ZNF718: variants seen among roughly 807,000 people sequenced by gnomAD.
ZNF718 encodes the protein zinc finger protein 718.
In ZNF718, 3 loss-of-function variants were observed where a neutral mutation model predicts 2.6. The observed-to-expected ratio is 1.16, with a 90% CI of 0.53 to 3.01. The LOEUF (loss-of-function observed/expected upper bound fraction) is 3.01, where lower values mean the gene tolerates loss of function less well. ZNF718 is among the 30% of genes most tolerant of loss of function. The pLI is 0.03. For missense variants in ZNF718, 468 were observed against 230.0 expected (o/e 2.03, Z -6.69); for synonymous variants, 135 against 77.9 (o/e 1.73, Z -3.86).
At chr4:134,183 G>A (rs1296661135) in intron 3 of ZNF718, among the ~76,000 whole-genome samples, 2 of 152,106 alleles carry the variant, frequency 1.3e-5, no homozygotes, top group African/African-American at 4.8e-5. Flanking sequence ...GAGTCTCGCT[G>A]TCACCCAGGC....
intron 3 of ZNF718, among the ~76,000 whole-genome samples, chr4:146,337 T>G (rs1716063387): frequency 6.6e-6 from 1 of 152,092 alleles, no homozygotes; most frequent in African/African-American, 2.4e-5. Flanking sequence ...TCTGTTCATT[T>G]GCACTTTAAA....
At chr4:200,457 CAG>C (rs1359840956) in intron 3 of ZNF718, among the ~76,000 whole-genome samples, 1 of 152,102 alleles carries the variant, frequency 6.6e-6, no homozygotes, top group Non-Finnish European at 1.5e-5. Context: ...TTAGTAGAGA[CAG>C]GGTTTCACCA....
At chr4:194,436 C>T (rs1484193865) in intron 3 of ZNF718, among the ~76,000 whole-genome samples, 1 of 152,174 alleles carries the variant, frequency 6.6e-6, no homozygotes, top group Non-Finnish European at 1.5e-5. Flanking sequence ...TGTTCTGATT[C>T]TGCATCCCAA....
Position 125,512 on chromosome 4 carries a change from C to G in ZNF718, c.3+839C>G, listed in dbSNP as rs367604853. On this transcript the variant is annotated intron_variant, in intron 1 of 3. Coordinates refer to ENST00000510175, the MANE Select transcript of ZNF718 (RefSeq NM_001039127.6). ...CACCCCGTTGGGGTTGGAGCATTGA[C>G]TGGTGTTGAGGAAACTCCGCAAGTT... Among the ~76,000 whole-genome samples the G allele has an allele frequency of 2.6e-4, 39 of 152,286 alleles. 1 individual carries two copies. In the East Asian group the frequency reaches 7.0e-3, roughly 27 times the overall value.
chr4:149,576 A>C (rs1197467231), intron 3 of ZNF718, among the ~76,000 whole-genome samples: 1 of 152,192 alleles, frequency 6.6e-6, no homozygotes, highest in African/African-American at 2.4e-5. Flanking sequence ...GTTTAATTCA[A>C]ATAAAAATAA....
chr4:161,446 C>T lies in ZNF718; in HGVS notation c.761C>T (p.Pro254Leu). Residue 254 changes from proline (P) to leucine (L), a missense_variant, in exon 4 of 4, where the codon CCC (proline) becomes CTC (leucine). Transcript: ENST00000510175. ...AAGAGAATTCATACTGGAGAGAAAC[C>T]CTACATATGTGAAAAATGTGGTAAA... The part of the protein sequence containing the change: ...KHKRIHTGEK[P>L]YICEKCGKAF... The T allele has an allele frequency of 1.3e-6, 1 of 780,126 alleles. No homozygotes were observed. 48.3% of individuals were successfully genotyped at this position (780,126 alleles called of 1,614,324 possible). A position where few individuals can be genotyped will look rare whatever the true frequency, so the allele number is the denominator to read the frequency against.
intron 3 of ZNF718, among the ~76,000 whole-genome samples, chr4:135,770 A>ATAT (rs1715544029): frequency 7.0e-6 from 1 of 142,016 alleles, no homozygotes; most frequent in Non-Finnish European, 1.5e-5. Flanking sequence ...TACAGACAGT[A>ATAT]ATGTTTTTAT....
chr4:124,919 C>T, intron 1 of ZNF718: 1 of 460,152 alleles, frequency 2.2e-6, no homozygotes. Flanking sequence ...TGAGTAGGAG[C>T]TCATCCGGAA....
chr4:144,076 A>G (rs1406967639), intron 3 of ZNF718, among the ~76,000 whole-genome samples: 1 of 151,718 alleles, frequency 6.6e-6, no homozygotes, highest in Non-Finnish European at 1.5e-5. Flanking sequence ...AATTTACTTC[A>G]CCCTCTCCAT....
Position 162,820 on chromosome 4 carries a change from T to C in ZNF718, c.*698T>C, listed in dbSNP as rs1216922648. 5 of 152,192 alleles carry C rather than the reference T, an allele frequency of 3.3e-5. No homozygotes were observed. The highest frequency in any genetic ancestry group is 9.6e-5 in the African/African-American group (4 of 41,460). The allele number at this position is 152,192 out of a possible 1,614,324, so 9.4% of individuals were successfully genotyped here. A position where few individuals can be genotyped will look rare whatever the true frequency, so the allele number is the denominator to read the frequency against. On this transcript the variant is annotated 3_prime_UTR_variant, in exon 4 of 4. Transcript: ENST00000510175. ...AAACCAGTTTATACTAGAAGATATT[T>C]TGTAGATGCGGTAAGTATGAAAAGA...
chr4:201,852 C>A, exon 5 of ZNF718: 1 of 191,998 alleles, frequency 5.2e-6, no homozygotes, highest in Admixed American at 5.2e-5. Flanking sequence ...TACAAAATAC[C>A]TGCTTTTAGT....
chr4:126,769 A>T lies in ZNF718; in HGVS notation c.3+2096A>T, dbSNP rs557984787. ...CATTTTGGTTTAATTATATAACAAAACATTTTCTTGCTGTTCTATTATGGT... is the reference window on the plus strand; with the variant it reads ...CATTTTGGTTTAATTATATAACAAATCATTTTCTTGCTGTTCTATTATGGT... On this transcript the variant is annotated intron_variant, in intron 1 of 3. Coordinates refer to ENST00000510175, the MANE Select transcript of ZNF718 (RefSeq NM_001039127.6). Among the ~76,000 whole-genome samples the T allele has an allele frequency of 9.2e-5, 14 of 151,728 alleles. No homozygotes were observed. In the East Asian group the frequency reaches 2.7e-3, roughly 29 times the overall value.
Position 163,020 on chromosome 4 carries a change from A to G in ZNF718, c.*898A>G, listed in dbSNP as rs1483430742. 1 of 152,162 alleles carries G rather than the reference A, an allele frequency of 6.6e-6. No individual in the cohort carries two copies. The highest frequency in any genetic ancestry group is 2.4e-5 in the African/African-American group (1 of 41,448). 9.4% of individuals were successfully genotyped at this position (152,162 alleles called of 1,614,324 possible). A position where few individuals can be genotyped will look rare whatever the true frequency, so the allele number is the denominator to read the frequency against. On this transcript the variant is annotated 3_prime_UTR_variant, in exon 4 of 4. Coordinates refer to ENST00000510175, the MANE Select transcript of ZNF718 (RefSeq NM_001039127.6). ...AGGAGTAGCTTTTTGAAATTATTCCATTGAAATTATACTTTTTTTACCTGA... is the reference window on the plus strand; with the variant it reads ...AGGAGTAGCTTTTTGAAATTATTCCGTTGAAATTATACTTTTTTTACCTGA...
At chr4:141,948 A>C (rs1715830222) in intron 3 of ZNF718, 1 of 500,236 alleles carries the variant, frequency 2.0e-6, no homozygotes, top group South Asian at 1.5e-5. Context: ...TTTACTATGC[A>C]AGGAGGCTGA....
At chr4:124,498 C>T (rs2108775982), upstream of ZNF718, 1 of 835,780 alleles carries the variant, frequency 1.2e-6, no homozygotes, top group Non-Finnish European at 2.0e-6. Flanking sequence ...CGGGATCTGG[C>T]GCGGCTTTTG....
At chr4:147,074 G>A (rs184588182) in intron 3 of ZNF718, among the ~76,000 whole-genome samples, 2 of 152,224 alleles carry the variant, frequency 1.3e-5, no homozygotes, top group South Asian at 2.1e-4. Context: ...AGATTCAAGC[G>A]ATTCTTTTGC....
chr4:188,244 A>G (rs1414436869), intron 3 of ZNF718, among the ~76,000 whole-genome samples: 1 of 152,172 alleles, frequency 6.6e-6, no homozygotes, highest in Non-Finnish European at 1.5e-5. Flanking sequence ...AGCGAGGATA[A>G]TGGATTGGGT....
intron 3 of ZNF718, among the ~76,000 whole-genome samples, chr4:157,439 G>T (rs368325205): frequency 2.5e-4 from 38 of 152,066 alleles, no homozygotes; most frequent in African/African-American, 8.9e-4. Flanking sequence ...ATTGAAGATC[G>T]CTTGGTGCTA....
intron 3 of ZNF718, among the ~76,000 whole-genome samples, chr4:199,245 C>T (rs1164743736): frequency 1.3e-5 from 2 of 152,218 alleles, no homozygotes; most frequent in Non-Finnish European, 2.9e-5. Context: ...CCTAGCCTTT[C>T]TTTGTTCCCC....
Sources: gnomAD v4.1 joint callset for allele counts (sites outside exome capture counted in the v4.1 genomes callset) on GRCh38, gnomAD v4.1.1 for gene constraint, MANE v1.5 for transcripts, NCBI Gene and HGNC (gene_info 2026-07-23, HGNC 2026-07-21) for gene names.